SGCZ: variants seen among roughly 807,000 people sequenced by gnomAD.
SGCZ encodes the protein sarcoglycan zeta, also known as zeta-sarcoglycan.
In SGCZ, 40 loss-of-function variants were observed where a neutral mutation model predicts 41.3. The observed-to-expected ratio is 0.97, with a 90% confidence interval of 0.75 to 1.26. The LOEUF is 1.26. Among genes scored for constraint, SGCZ ranks in the 50% most tolerant of loss-of-function variants. The pLI is 0.00. For synonymous variants in SGCZ, 206 were observed against 137.5 expected (o/e 1.50, Z -3.49); for missense variants, 552 against 369.8 (o/e 1.49, Z -4.04).
At chr8:14,513,909 C>A (rs575283730) in intron 2 of SGCZ, among the ~76,000 whole-genome samples, 1 of 152,102 alleles carries the variant, frequency 6.6e-6, no homozygotes, top group East Asian at 1.9e-4. Flanking sequence ...AACAACATTG[C>A]TTATTTCTTT....
intron 1 of SGCZ, among the ~76,000 whole-genome samples, chr8:14,742,605 T>G (rs1008438946): frequency 2.0e-5 from 3 of 152,106 alleles, no homozygotes; most frequent in Non-Finnish European, 4.4e-5. Context: ...AAATTGTACC[T>G]ATTGTATACA....
At chr8:14,614,998 A>ATGTG (rs34548828) in intron 1 of SGCZ, among the ~76,000 whole-genome samples, 1 of 147,426 alleles carries the variant, frequency 6.8e-6, no homozygotes, top group Non-Finnish European at 1.5e-5. Context: ...GTGTGTATAT[A>ATGTG]TGTGTGTGTG....
At chr8:14,748,584 G>T (rs969785945) in intron 1 of SGCZ, among the ~76,000 whole-genome samples, 1 of 152,076 alleles carries the variant, frequency 6.6e-6, no homozygotes, top group Non-Finnish European at 1.5e-5. Flanking sequence ...ATGTTTCTCT[G>T]CCAGAAAAAT....
chr8:14,241,984 A>T (rs1354777100), intron 3 of SGCZ, among the ~76,000 whole-genome samples: 1 of 152,220 alleles, frequency 6.6e-6, no homozygotes, highest in African/African-American at 2.4e-5. Context: ...CTTGTAATAT[A>T]TTCAGCACTC....
chr8:14,110,976 C>A (rs1463757463), intron 5 of SGCZ, among the ~76,000 whole-genome samples: 2 of 151,960 alleles, frequency 1.3e-5, no homozygotes, highest in East Asian at 3.9e-4. Context: ...ATAGTTTGAA[C>A]CTGGGAGGCA....
chr8:14,154,361 T>C (rs1803812496), intron 5 of SGCZ, among the ~76,000 whole-genome samples: 1 of 146,928 alleles, frequency 6.8e-6, no homozygotes, highest in African/African-American at 2.5e-5. Flanking sequence ...ATAGCAAGAC[T>C]CTGTTTCAAA....
chr8:14,594,221 T>TAAATA (rs543133519), intron 1 of SGCZ, among the ~76,000 whole-genome samples: 11 of 122,956 alleles, frequency 8.9e-5, no homozygotes, highest in Non-Finnish European at 1.1e-4. Flanking sequence ...AATAAATAAA[T>TAAATA]AAATAAAATA....
chr8:14,707,404 T>C (rs1331438817), intron 1 of SGCZ, among the ~76,000 whole-genome samples: 1 of 152,042 alleles, frequency 6.6e-6, no homozygotes, highest in Non-Finnish European at 1.5e-5. Flanking sequence ...GTAGAACATG[T>C]GAACAAAATT....
intron 1 of SGCZ, among the ~76,000 whole-genome samples, chr8:14,960,482 A>G (rs1800928378): frequency 6.6e-6 from 1 of 152,150 alleles, no homozygotes; most frequent in African/African-American, 2.4e-5. Context: ...GAGGTACCAC[A>G]AAGTACCAAT....
intron 1 of SGCZ, among the ~76,000 whole-genome samples, chr8:14,992,181 A>G (rs1802036952): frequency 6.6e-6 from 1 of 150,416 alleles, no homozygotes; most frequent in African/African-American, 2.5e-5. Flanking sequence ...CTACTCCCCA[A>G]ACTAGTGTTA....
chr8:14,732,507 AGGAAGCTGGAAAGCCCAG>A (rs1479898221), intron 1 of SGCZ, among the ~76,000 whole-genome samples: 4 of 152,186 alleles, frequency 2.6e-5, no homozygotes, highest in Admixed American at 6.5e-5. Flanking sequence ...TCTGCATGTT[AGGAAGCTGGAAAGCCCAG>A]TCCCACCTGC....
At chr8:15,032,652 C>T (rs1051617954) in intron 1 of SGCZ, among the ~76,000 whole-genome samples, 1 of 152,158 alleles carries the variant, frequency 6.6e-6, no homozygotes, top group African/African-American at 2.4e-5. Flanking sequence ...CCACAGGGGC[C>T]TTGGGCTTAG....
At chr8:14,332,645 G>T (rs890235330) in intron 2 of SGCZ, 1 of 151,494 alleles carries the variant, frequency 6.6e-6, no homozygotes, top group Non-Finnish European at 1.5e-5. Flanking sequence ...TTCTCACTAC[G>T]GTACTTGAAT....
In SGCZ at chr8:14,440,135, T is replaced by G. The variant is rs931519387; in HGVS notation, c.234+114597A>C. On this transcript the variant is annotated intron_variant, in intron 2 of 7. Coordinates refer to ENST00000382080, the MANE Select transcript of SGCZ (RefSeq NM_139167.4). Reference sequence around the variant, plus strand: ...ATTACTTTATTTTACTCATGTCTCATTTTTTGATAAAAACTACAAGGTGTT... The same window carrying G: ...ATTACTTTATTTTACTCATGTCTCAGTTTTTGATAAAAACTACAAGGTGTT... 4.6e-5 allele frequency among the ~76,000 whole-genome samples: 7 copies of G among 152,120 alleles called. No homozygotes were observed. The South Asian group carries it at 6.2e-4, about 13-fold the overall frequency.
chr8:14,414,192 G>GCACA (rs147187762), intron 2 of SGCZ, among the ~76,000 whole-genome samples: 1 of 150,848 alleles, frequency 6.6e-6, no homozygotes, highest in Non-Finnish European at 1.5e-5. Flanking sequence ...ACACACTCGC[G>GCACA]CACACACACA....
At chr8:15,162,004 C>T (rs1799524971) in intron 1 of SGCZ, among the ~76,000 whole-genome samples, 1 of 152,170 alleles carries the variant, frequency 6.6e-6, no homozygotes, top group Admixed American at 6.5e-5. Flanking sequence ...GCACTCCAGC[C>T]TGGGTAACAG....
intron 2 of SGCZ, among the ~76,000 whole-genome samples, chr8:14,548,075 C>A (rs1281688449): frequency 6.6e-6 from 1 of 152,084 alleles, no homozygotes; most frequent in Non-Finnish European, 1.5e-5. Context: ...ATGTCAGGTA[C>A]TTCTGGAACA....
chr8:14,680,502 T>C (rs1310605235), intron 1 of SGCZ, among the ~76,000 whole-genome samples: 1 of 152,076 alleles, frequency 6.6e-6, no homozygotes, highest in Non-Finnish European at 1.5e-5. Flanking sequence ...CTAAATACTG[T>C]TCTAAAAATT....
intron 4 of SGCZ, among the ~76,000 whole-genome samples, chr8:14,198,018 G>A (rs952462250): frequency 4.6e-5 from 7 of 152,102 alleles, no homozygotes; most frequent in Admixed American, 1.3e-4. Flanking sequence ...GGGATTATTA[G>A]GAATTAAACT....
Sources: gnomAD v4.1 joint callset for allele counts (sites outside exome capture counted in the v4.1 genomes callset) on GRCh38, gnomAD v4.1.1 for gene constraint, MANE v1.5 for transcripts, NCBI Gene and HGNC (gene_info 2026-07-23, HGNC 2026-07-21) for gene names.